Variants in LY75 observed in about 807,000 individuals in gnomAD.
LY75 encodes C-type lectin domain family 13 member B.
In LY75, 185 loss-of-function variants were observed where a neutral mutation model predicts 231.7. The ratio of observed to expected loss-of-function variants is 0.80; its 90% CI spans 0.71 to 0.90. The LOEUF (loss-of-function observed/expected upper bound fraction) is 0.90, where lower values mean the gene tolerates loss of function less well. Ranked by LOEUF, LY75 falls within the 40% of genes least tolerant of loss-of-function variation. The pLI is 0.00. For synonymous variants in LY75, 668 were observed against 689.0 expected (o/e 0.97, Z 0.48); for missense variants, 1,947 against 2,050.2 (o/e 0.95, Z 0.97).
chr2:159,822,250 C>G (rs1397363847), intron 28 of LY75, among the ~76,000 whole-genome samples: 1 of 152,206 alleles, frequency 6.6e-6, no homozygotes. Flanking sequence ...AGGTGGGTCC[C>G]ACCCCTATGG....
intron 6 of LY75, among the ~76,000 whole-genome samples, chr2:159,883,562 T>A (rs1156314061): frequency 6.6e-6 from 1 of 152,146 alleles, no homozygotes; most frequent in Non-Finnish European, 1.5e-5. Context: ...TATCATTTGG[T>A]TTTGTTCTTT....
chr2:159,847,038 A>G (rs13393913), intron 23 of LY75, among the ~76,000 whole-genome samples: 7,178 of 152,092 alleles, frequency 0.047, 518 homozygotes, highest in African/African-American at 0.16. Flanking sequence ...TGGAGATGGA[A>G]TCTCGCTCTG....
At chr2:159,805,463 T>C (rs763664369) in intron 34 of LY75, among the ~76,000 whole-genome samples, 12 of 152,220 alleles carry the variant, frequency 7.9e-5, no homozygotes, top group Non-Finnish European at 8.8e-5. Flanking sequence ...TTCATTGTGA[T>C]AGGAATTTTC....
intron 15 of LY75, among the ~76,000 whole-genome samples, 159 bp downstream of exon 15, chr2:159,860,662 T>A (rs1420954721): frequency 6.6e-6 from 1 of 152,200 alleles, no homozygotes; most frequent in African/African-American, 2.4e-5. Context: ...AAATGAAGTG[T>A]AAGTTAGGCT....
At chr2:159,826,795 T>C (rs1211309773) in intron 28 of LY75, among the ~76,000 whole-genome samples, 1 of 152,080 alleles carries the variant, frequency 6.6e-6, no homozygotes, top group Non-Finnish European at 1.5e-5. Flanking sequence ...GCCTCAGAAA[T>C]AACACCACAC....
chr2:159,889,828 G>A (rs1404425084), intron 4 of LY75, among the ~76,000 whole-genome samples: 2 of 152,072 alleles, frequency 1.3e-5, no homozygotes, highest in African/African-American at 2.4e-5. Flanking sequence ...CTCAATGTAA[G>A]GATGTTTACT....
chr2:159,849,542 T>C (rs948639517), intron 23 of LY75, among the ~76,000 whole-genome samples: 1 of 152,172 alleles, frequency 6.6e-6, no homozygotes, highest in Non-Finnish European at 1.5e-5. Flanking sequence ...TGGTTTTATA[T>C]GGTTATGAAA....
At chr2:159,843,685 T>C (rs1684111468) in intron 23 of LY75, among the ~76,000 whole-genome samples, 1 of 152,118 alleles carries the variant, frequency 6.6e-6, no homozygotes, top group African/African-American at 2.4e-5. Context: ...ACCTAGGCAA[T>C]CTGACTCCAG....
intron 19 of LY75, 115 bp from the exon 20 acceptor site, chr2:159,853,467 C>T: frequency 6.8e-7 from 1 of 1,466,268 alleles, no homozygotes; most frequent in Non-Finnish European, 9.3e-7. Flanking sequence ...TACTCTATAC[C>T]CCTTTTTTCT....
intron 31 of LY75, among the ~76,000 whole-genome samples, chr2:159,812,778 C>T (rs1047962868): frequency 6.6e-6 from 1 of 152,086 alleles, no homozygotes; most frequent in Non-Finnish European, 1.5e-5. Flanking sequence ...CAACTATCAC[C>T]ACCACCCATC....
intron 12 of LY75, among the ~76,000 whole-genome samples, chr2:159,873,721 T>A (rs1472780242): frequency 6.7e-6 from 1 of 148,326 alleles, no homozygotes; most frequent in African/African-American, 2.5e-5. Context: ...ATACATATAA[T>A]AAAAATACAC....
At chr2:159,862,147 T>C (rs1238485651) in intron 14 of LY75, among the ~76,000 whole-genome samples, 1 of 151,876 alleles carries the variant, frequency 6.6e-6, no homozygotes, top group Admixed American at 6.6e-5. Flanking sequence ...AAAAAATTAG[T>C]TGGGCGTGGT....
At position 159,864,918 on chromosome 2, in the gene LY75, C is replaced by T. The variant is rs943503012; in HGVS notation, c.2120G>A (p.Gly707Asp). The change falls in exon 14 of 35, where the codon GGC becomes GAC. Residue 707 changes from glycine (G) to aspartate (D), a missense_variant and splice_region_variant. Physicochemically the swap from Gly to Asp is moderately conservative, Grantham distance 94. Coordinates refer to ENST00000263636, the MANE Select transcript of LY75 (RefSeq NM_002349.4). ...CAAACCAATCCACAGCCAATGCTGG[C>T]CACTATGTAAAAAGCAAGTGTTAAA... ...FLHFLTDQFS[G>D]QHWLWIGLNK... The T allele has an allele frequency of 3.8e-6, 6 of 1,596,714 alleles. No individual in the cohort carries two copies. In the South Asian group the frequency reaches 6.9e-5, roughly 18 times the overall value.
chr2:159,864,834 C>G lies in LY75; in HGVS notation c.2199+5G>C. The G allele has an allele frequency of 6.3e-7, 1 of 1,578,034 alleles. No individual in the cohort carries two copies. The highest frequency in any genetic ancestry group is 8.6e-7 in the Non-Finnish European group (1 of 1,164,290). On this transcript the variant is annotated splice_donor_5th_base_variant and intron_variant, in intron 14 of 34. Coordinates refer to ENST00000263636, the MANE Select transcript of LY75 (RefSeq NM_002349.4). Reference sequence around the variant, plus strand: ...ACTACCTAAAACAATAACGTTTTAACTTACTGGTGTACGATCACTCCATTG... The same window carrying G: ...ACTACCTAAAACAATAACGTTTTAAGTTACTGGTGTACGATCACTCCATTG...
intron 34 of LY75, among the ~76,000 whole-genome samples, chr2:159,805,496 T>C (rs1369053142): frequency 2.0e-5 from 3 of 152,250 alleles, no homozygotes; most frequent in Non-Finnish European, 2.9e-5. Flanking sequence ...TAATGCGCTA[T>C]GATTATTCTC....
chr2:159,858,689 T>A (rs1043562292), intron 15 of LY75, among the ~76,000 whole-genome samples: 1 of 152,224 alleles, frequency 6.6e-6, no homozygotes, highest in Non-Finnish European at 1.5e-5. Context: ...TGTTGTAAAG[T>A]CATGTTTATG....
chr2:159,846,350 C>T (rs886200976), intron 23 of LY75, among the ~76,000 whole-genome samples: 11 of 152,136 alleles, frequency 7.2e-5, no homozygotes, highest in African/African-American at 2.4e-4. Context: ...CACAATGAGA[C>T]CCTGTCTCTA....
intron 23 of LY75, among the ~76,000 whole-genome samples, chr2:159,845,511 G>A (rs1410392401): frequency 6.6e-6 from 1 of 151,140 alleles, no homozygotes; most frequent in Admixed American, 6.6e-5. Flanking sequence ...TCTGAATCTG[G>A]ATTCAACCAA....
At chr2:159,825,577 A>G (rs1683436133) in intron 28 of LY75, among the ~76,000 whole-genome samples, 1 of 152,224 alleles carries the variant, frequency 6.6e-6, no homozygotes, top group African/African-American at 2.4e-5. Context: ...CAAACAATAG[A>G]AAAAGAGGGA....
Sources: gnomAD v4.1 joint callset for allele counts (sites outside exome capture counted in the v4.1 genomes callset) on GRCh38, gnomAD v4.1.1 for gene constraint, MANE v1.5 for transcripts, NCBI Gene and HGNC (gene_info 2026-07-23, HGNC 2026-07-21) for gene names.